Variants in PIK3R1 observed in about 807,000 individuals in gnomAD.
The protein encoded by PIK3R1 is phosphatidylinositol 3-kinase regulatory subunit alpha.
In PIK3R1, 29 loss-of-function variants were observed where a neutral mutation model predicts 98.0. The ratio of observed to expected loss-of-function variants is 0.30; its 90% CI spans 0.22 to 0.40. The LOEUF (loss-of-function observed/expected upper bound fraction) is 0.40. Among genes scored for constraint, PIK3R1 ranks in the 10% least tolerant of loss-of-function variants. The probability of loss-of-function intolerance (pLI) is 1.00; values close to 1 mark genes in which losing one functional copy is unlikely to be tolerated. For synonymous variants in PIK3R1, 282 were observed against 311.8 expected (o/e 0.90, Z 1.01); for missense variants, 596 against 872.7 (o/e 0.68, Z 3.99).
intron 2 of PIK3R1, among the ~76,000 whole-genome samples, chr5:68,233,464 A>G (rs1272655991): frequency 6.6e-6 from 1 of 152,228 alleles, no homozygotes; most frequent in Admixed American, 6.5e-5. Flanking sequence ...AGGAGGACAC[A>G]TGGAGGGGGA....
chr5:68,236,575 C>T (rs1744678784), intron 2 of PIK3R1, among the ~76,000 whole-genome samples: 5 of 152,162 alleles, frequency 3.3e-5, no homozygotes, highest in Admixed American at 3.3e-4. Context: ...GATTTAAAAA[C>T]TGAAGGTCAT....
intron 7 of PIK3R1, chr5:68,288,841 G>A (rs1037265713): frequency 8.4e-6 from 11 of 1,314,622 alleles, no homozygotes; most frequent in African/African-American, 1.4e-5. Flanking sequence ...GTGTGCGTGC[G>A]CCCCTGTAAG....
intron 5 of PIK3R1, among the ~76,000 whole-genome samples, chr5:68,280,025 A>G (rs1746759759): frequency 6.6e-6 from 1 of 152,220 alleles, no homozygotes; most frequent in South Asian, 2.1e-4. Flanking sequence ...TCCAAGTACT[A>G]GTGTCAGATT....
intron 2 of PIK3R1, among the ~76,000 whole-genome samples, chr5:68,249,185 T>C (rs554169159): frequency 1.1e-4 from 17 of 152,356 alleles, no homozygotes; most frequent in Middle Eastern, 3.4e-3. Context: ...TTTTGTCTCT[T>C]CCTTTAGGAA....
intron 2 of PIK3R1, among the ~76,000 whole-genome samples, chr5:68,245,588 C>T (rs1045330952): frequency 6.6e-6 from 1 of 152,184 alleles, no homozygotes; most frequent in Non-Finnish European, 1.5e-5. Flanking sequence ...ACATACTTAA[C>T]CTTGGTTTTC....
chr5:68,287,391 T>G (rs545380964), intron 7 of PIK3R1, among the ~76,000 whole-genome samples: 29 of 152,262 alleles, frequency 1.9e-4, no homozygotes, highest in Admixed American at 1.2e-3. Flanking sequence ...ATCAGAAGAT[T>G]GGGTTCTAGT....
intron 5 of PIK3R1, 168 bp from the exon 6 acceptor site, chr5:68,280,360 A>G: frequency 1.6e-6 from 1 of 622,570 alleles, no homozygotes; most frequent in Non-Finnish European, 2.9e-6. Flanking sequence ...CTTTCTCATA[A>G]TGCGTTTTCT....
In PIK3R1 at chr5:68,297,853, A is replaced by G. The variant is rs1580269833; in HGVS notation, c.*252A>G. 3.0e-6 allele frequency: 1 copy of G among 335,142 alleles called. No individual in the cohort carries two copies. The highest frequency in any genetic ancestry group is 4.4e-5 in the East Asian group (1 of 22,730). 20.8% of individuals were successfully genotyped at this position (335,142 alleles called of 1,614,324 possible). On this transcript the variant is annotated 3_prime_UTR_variant, in exon 16 of 16. Transcript: ENST00000521381. The stretch of plus-strand genomic sequence containing the variant: ...TTCTTTTTTTCTTTGGTTTAATTTA[A>G]AGCCACAACCACATACAACACAAAG...
At chr5:68,252,653 T>G (rs929730171) in intron 2 of PIK3R1, among the ~76,000 whole-genome samples, 2 of 152,208 alleles carry the variant, frequency 1.3e-5, no homozygotes, top group Admixed American at 1.3e-4. Flanking sequence ...TGATAGTAAA[T>G]TAGTAATTTT....
At chr5:68,262,595 G>A (rs1360015595) in intron 2 of PIK3R1, among the ~76,000 whole-genome samples, 472 of 129,396 alleles carry the variant, frequency 3.6e-3, no homozygotes, top group African/African-American at 4.2e-3. Context: ...ACATGTATCT[G>A]CATGTATACA....
rs1051303479 is a variant in PIK3R1 at position 68,226,460 on chromosome 5, G to C, written c.-216G>C. 3.8e-6 allele frequency: 2 copies of C among 519,754 alleles called. No homozygotes were observed. The highest frequency in any genetic ancestry group is 5.7e-5 in the East Asian group (2 of 34,906). 32.2% of individuals were successfully genotyped at this position (519,754 alleles called of 1,614,324 possible). A position where few individuals can be genotyped will look rare whatever the true frequency, so the allele number is the denominator to read the frequency against. On this transcript the variant is annotated 5_prime_UTR_variant, in exon 2 of 16. Coordinates refer to ENST00000521381, the MANE Select transcript of PIK3R1 (RefSeq NM_181523.3). ...GACTGTGGCACGCAGAGGAAGTGGA[G>C]CCCTGTCTTCGGTCACACCATTGAT...
intron 11 of PIK3R1, 28 bp downstream of exon 11, chr5:68,293,862 A>G (rs775832965): frequency 6.6e-6 from 10 of 1,517,776 alleles, no homozygotes; most frequent in Non-Finnish European, 8.0e-6. Context: ...ATCAGATTAA[A>G]AAATAAGAGT....
chr5:68,265,550 T>TG (rs1180747930), intron 2 of PIK3R1, among the ~76,000 whole-genome samples: 3 of 152,194 alleles, frequency 2.0e-5, no homozygotes, highest in Non-Finnish European at 4.4e-5. Flanking sequence ...GAAAGGTCTC[T>TG]GGTGCTGCTT....
In PIK3R1 at chr5:68,297,672, T is replaced by A; in HGVS notation, c.*71T>A. 8.2e-7 allele frequency: 1 copy of A among 1,222,642 alleles called. No individual in the cohort carries two copies. The highest frequency in any genetic ancestry group is 1.2e-6 in the Non-Finnish European group (1 of 854,084). 75.7% of individuals were successfully genotyped at this position (1,222,642 alleles called of 1,614,324 possible). On this transcript the variant is annotated 3_prime_UTR_variant, in exon 16 of 16. Coordinates refer to ENST00000521381, the MANE Select transcript of PIK3R1 (RefSeq NM_181523.3). ...GCCTCTGGAAAGCAAAGGGCTCCTC[T>A]CCAGTCTGATCTGTGAATTGAGCTG...
chr5:68,260,571 T>C (rs1218134750), intron 2 of PIK3R1, among the ~76,000 whole-genome samples: 1 of 152,190 alleles, frequency 6.6e-6, no homozygotes, highest in African/African-American at 2.4e-5. Flanking sequence ...GAGGTTGTAA[T>C]ATCTGCTCTG....
intron 2 of PIK3R1, among the ~76,000 whole-genome samples, chr5:68,232,265 A>G (rs1744505382): frequency 1.3e-5 from 2 of 152,226 alleles, no homozygotes; most frequent in Admixed American, 1.3e-4. Flanking sequence ...TTTTTTAAAA[A>G]CATTTTTTCT....
chr5:68,218,880 A>G (rs1743995070), intron 1 of PIK3R1, among the ~76,000 whole-genome samples: 1 of 152,252 alleles, frequency 6.6e-6, no homozygotes, highest in South Asian at 2.1e-4. Context: ...TATAAATTAT[A>G]TCACAGCTTT....
intron 2 of PIK3R1, among the ~76,000 whole-genome samples, chr5:68,265,868 G>A (rs1368763162): frequency 6.6e-6 from 1 of 152,174 alleles, no homozygotes; most frequent in East Asian, 1.9e-4. Context: ...AACTTTTCAG[G>A]ATATTTAAAA....
chr5:68,296,571 G>C (rs191059692), intron 15 of PIK3R1, among the ~76,000 whole-genome samples: 94 of 152,290 alleles, frequency 6.2e-4, no homozygotes, highest in African/African-American at 2.2e-3. Context: ...TGGAAGACTA[G>C]GTTTGGATTC....
Sources: allele counts gnomAD v4.1 joint callset (sites outside exome capture counted in the v4.1 genomes callset), GRCh38; gene constraint gnomAD v4.1.1; transcripts MANE v1.5; gene names NCBI Gene and HGNC (gene_info 2026-07-23, HGNC 2026-07-21).